ATP6V0A2: variants seen among roughly 807,000 people sequenced by gnomAD.
The protein encoded by ATP6V0A2 is V-type proton ATPase 116 kDa subunit a 2.
In ATP6V0A2, 58 loss-of-function variants were observed where a neutral mutation model predicts 104.4. The observed-to-expected ratio is 0.56, with a 90% CI of 0.45 to 0.69. The LOEUF is 0.69. Ranked by LOEUF, ATP6V0A2 falls within the 30% of genes least tolerant of loss-of-function variation. The probability of loss-of-function intolerance (pLI) is 0.00; values close to 1 mark genes in which losing one functional copy is unlikely to be tolerated. For synonymous variants in ATP6V0A2, 376 were observed against 397.9 expected (o/e 0.95, Z 0.65); for missense variants, 938 against 1,062.9 (o/e 0.88, Z 1.63).
chr12:123,737,698 G>A (rs183504256), intron 9 of ATP6V0A2: 189 of 232,026 alleles, frequency 8.1e-4, no homozygotes, highest in Non-Finnish European at 9.5e-4. Flanking sequence ...ACAGTGCAGT[G>A]GCTTCCTCCC....
In ATP6V0A2 at chr12:123,730,117, C is replaced by T. The variant is rs373706565; in HGVS notation, c.648+2208C>T. On this transcript the variant is annotated intron_variant, in intron 6 of 19. Coordinates refer to ENST00000330342, the MANE Select transcript of ATP6V0A2 (RefSeq NM_012463.4). ...TCGCCCAGGCTGGAGTGCAGTGGCGCGATCTCGGCTCACTGCAAGCTCCGC... is the reference window on the plus strand; with the variant it reads ...TCGCCCAGGCTGGAGTGCAGTGGCGTGATCTCGGCTCACTGCAAGCTCCGC... Among the ~76,000 whole-genome samples, 79 of 136,004 alleles carry T rather than the reference C, an allele frequency of 5.8e-4. 1 individual carries two copies. In the South Asian group the frequency reaches 0.017, roughly 30 times the overall value. 89.2% of individuals were successfully genotyped at this position (136,004 alleles called of 152,430 possible).
At chr12:123,736,959 C>CTT in intron 8 of ATP6V0A2, 100 bp from the exon 9 acceptor site, 1 of 1,179,696 alleles carries the variant, frequency 8.5e-7, no homozygotes, top group South Asian at 1.2e-5. Flanking sequence ...GAATGATCCT[C>CTT]TGTCAATGGG....
At chr12:123,724,631 A>C in intron 3 of ATP6V0A2, 23 bp from the exon 4 acceptor site, 2 of 1,612,770 alleles carry the variant, frequency 1.2e-6, no homozygotes, top group Non-Finnish European at 1.7e-6. Context: ...CTACCCTCTT[A>C]AGTAACCATT....
intron 18 of ATP6V0A2, among the ~76,000 whole-genome samples, chr12:123,756,151 A>G (rs1956762170): frequency 6.6e-6 from 1 of 150,994 alleles, no homozygotes; most frequent in African/African-American, 2.4e-5. Flanking sequence ...ACAATAAGAG[A>G]GTTTTTAATG....
At chr12:123,757,055 A>G (rs950689730) in intron 19 of ATP6V0A2, 69 bp downstream of exon 19, 4 of 1,529,694 alleles carry the variant, frequency 2.6e-6, no homozygotes, top group Non-Finnish European at 3.6e-6. Flanking sequence ...GCCCCGCCCA[A>G]CCAAATATAC....
At chr12:123,742,156 A>G (rs1221634162) in intron 9 of ATP6V0A2, among the ~76,000 whole-genome samples, 2 of 152,200 alleles carry the variant, frequency 1.3e-5, no homozygotes, top group Non-Finnish European at 2.9e-5. Context: ...TTCACTGCCC[A>G]TGGCCCCTGT....
rs1956819733 is a variant in ATP6V0A2, at chr12:123,761,285, C to T, written c.*3253C>T. ...GATGTCCATGAATTACATATTCAGA[C>T]GTTTTAGAGCCTGATACATTTTGGA... On this transcript the variant is annotated 3_prime_UTR_variant, in exon 20 of 20. Coordinates refer to ENST00000330342, the MANE Select transcript of ATP6V0A2 (RefSeq NM_012463.4). 1 of 152,168 alleles carries T rather than the reference C, an allele frequency of 6.6e-6. No individual in the cohort carries two copies. Among genetic ancestry groups the T allele is most frequent in the Non-Finnish European group, 1.5e-5 (1 of 68,056 alleles). 9.4% of individuals were successfully genotyped at this position (152,168 alleles called of 1,614,324 possible).
chr12:123,747,469 A>G (rs1956673109), intron 13 of ATP6V0A2, 138 bp from the exon 14 acceptor site: 1 of 725,354 alleles, frequency 1.4e-6, no homozygotes, highest in African/African-American at 1.8e-5. Context: ...TCAGATTGAA[A>G]GCATCAAAAG....
chr12:123,719,848 T>G (rs949668479), intron 2 of ATP6V0A2, among the ~76,000 whole-genome samples: 2 of 152,090 alleles, frequency 1.3e-5, no homozygotes, highest in African/African-American at 2.4e-5. Context: ...AAACAAACTT[T>G]GCCTACGGCC....
chr12:123,720,233 G>A (rs1177887406), intron 2 of ATP6V0A2, among the ~76,000 whole-genome samples: 2 of 152,078 alleles, frequency 1.3e-5, no homozygotes, highest in Admixed American at 6.6e-5. Context: ...TATTGCTTGA[G>A]GTCCTAGTTA....
intron 1 of ATP6V0A2, among the ~76,000 whole-genome samples, chr12:123,714,587 T>A (rs1349527360): frequency 1.3e-5 from 2 of 152,180 alleles, no homozygotes; most frequent in Non-Finnish European, 2.9e-5. Flanking sequence ...CTTTAGTCCT[T>A]CAGCTGAAGT....
intron 2 of ATP6V0A2, among the ~76,000 whole-genome samples, chr12:123,719,998 G>A (rs567336452): frequency 4.6e-5 from 7 of 152,226 alleles, no homozygotes; most frequent in South Asian, 2.1e-4. Context: ...CTCCTCTGTC[G>A]TGGAGCAGCC....
chr12:123,758,092 T>C lies in ATP6V0A2; in HGVS notation c.*60T>C. 2.5e-6 allele frequency: 3 copies of C among 1,197,450 alleles called. No individual in the cohort carries two copies. Among genetic ancestry groups the C allele is most frequent in the African/African-American group, 3.0e-5 (2 of 66,926 alleles). The allele number at this position is 1,197,450 out of a possible 1,614,324, so 74.2% of individuals were successfully genotyped here. A position where few individuals can be genotyped will look rare whatever the true frequency, so the allele number is the denominator to read the frequency against. On this transcript the variant is annotated 3_prime_UTR_variant, in exon 20 of 20. Transcript: ENST00000330342. ...TGGAGAATGACCATGTTATAGACTT[T>C]CACTTATGTCAGATTTATGATAGGA...
At chr12:123,729,333 T>TTTTTTTTTTTTTTTTG (rs1593895328) in intron 6 of ATP6V0A2, among the ~76,000 whole-genome samples, 1 of 150,670 alleles carries the variant, frequency 6.6e-6, no homozygotes, top group Admixed American at 6.6e-5. Flanking sequence ...TTTTTTTTTT[T>TTTTTTTTTTTTTTTTG]GAGTGCAAAT....
At chr12:123,736,487 C>T (rs1016060079) in intron 8 of ATP6V0A2, among the ~76,000 whole-genome samples, 6 of 152,152 alleles carry the variant, frequency 3.9e-5, no homozygotes, top group African/African-American at 1.2e-4. Context: ...CTACCGCCCC[C>T]GGTCTGGATT....
At chr12:123,748,386 T>G (rs535899341) in intron 14 of ATP6V0A2, among the ~76,000 whole-genome samples, 189 bp from the exon 15 acceptor site, 1 of 152,218 alleles carries the variant, frequency 6.6e-6, no homozygotes, top group Non-Finnish European at 1.5e-5. Context: ...AAAACTGTAG[T>G]AGTTTTGGCC....
At position 123,718,689 on chromosome 12, in the gene ATP6V0A2, G is replaced by C. The variant is rs1409754195; in HGVS notation, c.184G>C (p.Glu62Gln). The C allele has an allele frequency of 6.2e-7, 1 of 1,610,514 alleles. No individual in the cohort carries two copies. Among genetic ancestry groups the C allele is most frequent in the Non-Finnish European group, 8.5e-7 (1 of 1,177,754 alleles). ...VGEVKRCEEL[E>Q]RILVYLVQEI... ...TGAGGTGAAGAGGTGTGAAGAGCTA[G>C]AGCGAATATTGGGTAAGTTTATTTT... Residue 62 changes from glutamate to glutamine, a missense_variant, in exon 2 of 20, where the codon GAG becomes CAG. Transcript: ENST00000330342.
At chr12:123,726,126 T>G in intron 4 of ATP6V0A2, 71 bp from the exon 5 acceptor site, 1 of 1,275,062 alleles carries the variant, frequency 7.8e-7, no homozygotes, top group Admixed American at 1.7e-5. Context: ...TAAACTTGTT[T>G]GAAAATTTGA....
chr12:123,753,682 G>A (rs1956737433), intron 17 of ATP6V0A2, among the ~76,000 whole-genome samples: 1 of 152,274 alleles, frequency 6.6e-6, no homozygotes, highest in Non-Finnish European at 1.5e-5. Context: ...GGGGTACGAG[G>A]CTGGACAGGG....
Sources: gnomAD v4.1 joint callset for allele counts (sites outside exome capture counted in the v4.1 genomes callset) on GRCh38, gnomAD v4.1.1 for gene constraint, MANE v1.5 for transcripts, NCBI Gene and HGNC (gene_info 2026-07-23, HGNC 2026-07-21) for gene names.